CPED1: variants seen among roughly 807,000 people sequenced by gnomAD.
The protein encoded by CPED1 is cadherin like and PC-esterase domain containing 1.
A neutral mutation model predicts 128.2 loss-of-function variants in CPED1; 114 were observed. The ratio of observed to expected loss-of-function variants is 0.89; its 90% confidence interval spans 0.76 to 1.04. CPED1 has a LOEUF of 1.04. Among genes scored for constraint, CPED1 ranks in the 50% least tolerant of loss-of-function variants. The pLI is 0.00. For missense variants in CPED1, 1,211 were observed against 1,207.1 expected (o/e 1.00, Z -0.05); for synonymous variants, 462 against 426.7 (o/e 1.08, Z -1.02).
At chr7:121,223,660 A>T (rs1356495792) in intron 16 of CPED1, among the ~76,000 whole-genome samples, 1 of 152,050 alleles carries the variant, frequency 6.6e-6, no homozygotes, top group East Asian at 1.9e-4. Context: ...CTATTCAGAG[A>T]TTCTACTTTT....
At chr7:121,255,945 G>A (rs902010914) in intron 18 of CPED1, among the ~76,000 whole-genome samples, 9 of 151,754 alleles carry the variant, frequency 5.9e-5, no homozygotes, top group African/African-American at 2.2e-4. Flanking sequence ...CATGTTCATG[G>A]ATTGGAATAA....
At chr7:121,208,249 G>A (rs1485773818) in intron 16 of CPED1, among the ~76,000 whole-genome samples, 1 of 151,890 alleles carries the variant, frequency 6.6e-6, no homozygotes, top group East Asian at 1.9e-4. Flanking sequence ...TGGATACCAT[G>A]TGTATAGTAT....
rs1412777693 is a variant in CPED1 at position 121,266,609 on chromosome 7, A to T, written c.2532-98A>T. 2.5e-5 allele frequency: 30 copies of T among 1,188,744 alleles called. 1 individual carries two copies. The highest frequency in any genetic ancestry group is 3.8e-5 in the Non-Finnish European group (30 of 799,948). 73.6% of individuals were successfully genotyped at this position (1,188,744 alleles called of 1,614,324 possible). ...GTTGGAAAGTACAAGGAGTCTTATGATCAAGATGCCAGATACAGTGAAATG... is the reference window on the plus strand; with the variant it reads ...GTTGGAAAGTACAAGGAGTCTTATGTTCAAGATGCCAGATACAGTGAAATG... On this transcript the variant is annotated intron_variant, in intron 19 of 22. Coordinates refer to ENST00000310396, the MANE Select transcript of CPED1 (RefSeq NM_024913.5).
rs1339260657 is a variant in CPED1, at chr7:121,078,526, GAC to G, written c.616+14214_616+14215del. ...AAAAAAAAAAAAAAAAAAAAAAAAA[GAC>G]TTCTATTATTGACATACTAGTTGAA... On this transcript the variant is annotated intron_variant, in intron 5 of 22. Coordinates refer to ENST00000310396, the MANE Select transcript of CPED1 (RefSeq NM_024913.5). 6.8e-3 allele frequency among the ~76,000 whole-genome samples: 814 copies of G among 119,808 alleles called. 11 individuals are homozygous for G. Among genetic ancestry groups the G allele is most frequent in the African/African-American group, 0.023 (729 of 31,696 alleles). The allele number at this position is 119,808 out of a possible 152,430, so 78.6% of individuals were successfully genotyped here. A position where few individuals can be genotyped will look rare whatever the true frequency, so the allele number is the denominator to read the frequency against.
chr7:121,185,706 C>T (rs1453407452), intron 16 of CPED1, among the ~76,000 whole-genome samples: 6 of 152,182 alleles, frequency 3.9e-5, no homozygotes, highest in African/African-American at 9.7e-5. Flanking sequence ...AACTACACTC[C>T]GTGAACGTAG....
At position 121,127,260 on chromosome 7, in the gene CPED1, A is replaced by G; in HGVS notation, c.1302+3A>G. 6.4e-7 allele frequency: 1 copy of G among 1,553,000 alleles called. No individual in the cohort carries two copies. Among genetic ancestry groups the G allele is most frequent in the Non-Finnish European group, 8.8e-7 (1 of 1,133,840 alleles). On this transcript the variant is annotated splice_donor_region_variant and intron_variant, in intron 10 of 22. Transcript: ENST00000310396. Reference sequence around the variant, plus strand: ...TTTATAGATCAGATGTTTTCAAGGTAAGTGCATATTTGTGTACTGATAAAT... The same window carrying G: ...TTTATAGATCAGATGTTTTCAAGGTGAGTGCATATTTGTGTACTGATAAAT...
At chr7:121,230,954 G>A (rs1271375776) in intron 16 of CPED1, among the ~76,000 whole-genome samples, 5 of 152,016 alleles carry the variant, frequency 3.3e-5, no homozygotes, top group Admixed American at 6.6e-5. Context: ...AGACATCCAA[G>A]GGAGATGTCC....
intron 11 of CPED1, among the ~76,000 whole-genome samples, chr7:121,129,467 C>T (rs187979087): frequency 6.6e-6 from 1 of 150,842 alleles, no homozygotes; most frequent in African/African-American, 2.4e-5. Context: ...AAGCTAATTT[C>T]CCCAAAGATA....
chr7:121,156,538 C>G (rs1796287828), intron 16 of CPED1, among the ~76,000 whole-genome samples: 1 of 152,116 alleles, frequency 6.6e-6, no homozygotes, highest in Non-Finnish European at 1.5e-5. Context: ...TTTACAGCAG[C>G]ATGAATGGAA....
chr7:121,036,489 G>GTGTATA (rs1554425202), intron 3 of CPED1, among the ~76,000 whole-genome samples: 20 of 138,646 alleles, frequency 1.4e-4, no homozygotes, highest in South Asian at 7.0e-4. Context: ...CATGGTGTGT[G>GTGTATA]TATATATATA....
At chr7:121,016,729 A>G (rs1339743967) in intron 3 of CPED1, among the ~76,000 whole-genome samples, 1 of 152,182 alleles carries the variant, frequency 6.6e-6, no homozygotes, top group African/African-American at 2.4e-5. Flanking sequence ...GCACTTACCT[A>G]TCATTTTGAG....
At chr7:121,033,416 G>T (rs1792789030) in intron 3 of CPED1, among the ~76,000 whole-genome samples, 1 of 152,120 alleles carries the variant, frequency 6.6e-6, no homozygotes, top group Admixed American at 6.6e-5. Context: ...GGATTTATCT[G>T]CCTGTATCTA....
chr7:121,179,143 G>A (rs1293218151), intron 16 of CPED1, among the ~76,000 whole-genome samples: 4 of 152,068 alleles, frequency 2.6e-5, no homozygotes, highest in Non-Finnish European at 5.9e-5. Context: ...GATGGGGTAT[G>A]GGTGTTAGGA....
intron 16 of CPED1, among the ~76,000 whole-genome samples, chr7:121,163,178 A>ACC (rs1796449273): frequency 1.3e-5 from 2 of 152,256 alleles, no homozygotes; most frequent in African/African-American, 4.8e-5. Flanking sequence ...CTGCATTTGA[A>ACC]CCACCTTTTA....
At chr7:121,280,215 T>C (rs1215663935) in intron 22 of CPED1, among the ~76,000 whole-genome samples, 1 of 152,220 alleles carries the variant, frequency 6.6e-6, no homozygotes, top group East Asian at 1.9e-4. Flanking sequence ...CTAAGACTAG[T>C]ACAGGTCATT....
chr7:121,261,029 A>G (rs1792005187), intron 18 of CPED1, among the ~76,000 whole-genome samples: 1 of 152,112 alleles, frequency 6.6e-6, no homozygotes, highest in South Asian at 2.1e-4. Context: ...TTCAACCTAG[A>G]TAGCCACCAA....
intron 2 of CPED1, among the ~76,000 whole-genome samples, chr7:121,006,143 A>G (rs1231132565): frequency 6.6e-6 from 1 of 152,170 alleles, no homozygotes. Context: ...TTGCCTCTGT[A>G]TAGACTTACT....
chr7:121,043,693 A>G (rs1358435847), intron 3 of CPED1, among the ~76,000 whole-genome samples: 1 of 152,244 alleles, frequency 6.6e-6, no homozygotes, highest in Non-Finnish European at 1.5e-5. Flanking sequence ...ACTGGAGAAC[A>G]TGTGGGAAGT....
intron 1 of CPED1, 113 bp downstream of exon 1, chr7:120,989,025 G>C (rs1796266531): frequency 6.6e-6 from 1 of 152,564 alleles, no homozygotes; most frequent in South Asian, 2.1e-4. Flanking sequence ...TAAAAGCCGT[G>C]AATACTTACA....
Sources: gnomAD v4.1 joint callset for allele counts (sites outside exome capture counted in the v4.1 genomes callset) on GRCh38, gnomAD v4.1.1 for gene constraint, MANE v1.5 for transcripts, NCBI Gene and HGNC (gene_info 2026-07-23, HGNC 2026-07-21) for gene names.